ANKDD1A: variants seen among roughly 807,000 people sequenced by gnomAD.
ANKDD1A encodes ankyrin repeat and death domain-containing protein 1A.
A neutral mutation model predicts 63.5 loss-of-function variants in ANKDD1A; 59 were observed. That is an observed-to-expected ratio of 0.93 (90% confidence interval 0.75 to 1.15). The LOEUF (loss-of-function observed/expected upper bound fraction) is 1.15. Among genes scored for constraint, ANKDD1A ranks in the 50% most tolerant of loss-of-function variants. ANKDD1A has a pLI of 0.00. For missense variants in ANKDD1A, 632 were observed against 656.4 expected (o/e 0.96, Z 0.41); for synonymous variants, 266 against 263.9 (o/e 1.01, Z -0.08).
chr15:64,948,946 T>C (rs2085246734), intron 13 of ANKDD1A, among the ~76,000 whole-genome samples: 1 of 152,158 alleles, frequency 6.6e-6, no homozygotes, highest in Admixed American at 6.5e-5. Context: ...TCATATATGA[T>C]AAAGAAGCAC....
rs752701846 is a variant in ANKDD1A, at chr15:64,917,518, C to A, written c.267+4C>A. On this transcript the variant is annotated splice_donor_region_variant and intron_variant, in intron 3 of 14. Coordinates refer to ENST00000319580, the MANE Select transcript of ANKDD1A (RefSeq NM_182703.6). Reference sequence around the variant, plus strand: ...CCTCACAGAGGCACGTCTGTGTGTACGTGTCTGTCTGTCTGTCTGTCTCAG... The same window carrying A: ...CCTCACAGAGGCACGTCTGTGTGTAAGTGTCTGTCTGTCTGTCTGTCTCAG... The A allele has an allele frequency of 2.0e-6, 3 of 1,502,810 alleles. No individual in the cohort carries two copies. The highest frequency in any genetic ancestry group is 2.6e-5 in the South Asian group (2 of 76,860). The allele number at this position is 1,502,810 out of a possible 1,614,324, so 93.1% of individuals were successfully genotyped here. A position where few individuals can be genotyped will look rare whatever the true frequency, so the allele number is the denominator to read the frequency against.
chr15:64,946,144 T>A (rs2085220975), intron 12 of ANKDD1A, among the ~76,000 whole-genome samples: 1 of 152,222 alleles, frequency 6.6e-6, no homozygotes, highest in Non-Finnish European at 1.5e-5. Context: ...TAAACTTAGT[T>A]AAACTAACTT....
At chr15:64,932,012 G>A (rs151322737) in intron 8 of ANKDD1A, 41 of 207,468 alleles carry the variant, frequency 2.0e-4, no homozygotes, top group Admixed American at 3.8e-4. Context: ...TCCTGACTCA[G>A]CCTCCCAAGA....
intron 9 of ANKDD1A, among the ~76,000 whole-genome samples, chr15:64,941,239 AT>A (rs1174953094): frequency 6.6e-6 from 1 of 152,156 alleles, no homozygotes; most frequent in African/African-American, 2.4e-5. Flanking sequence ...ACTGAATAGT[AT>A]TTTTGTCTTC....
rs2085202450 is a variant in ANKDD1A, at chr15:64,943,631, C to CT, written c.1065+51dup. On this transcript the variant is annotated intron_variant, in intron 11 of 14. Coordinates refer to ENST00000319580, the MANE Select transcript of ANKDD1A (RefSeq NM_182703.6). ...CGCTTCAGGCTTTCATGGCTCCCCC[C>CT]TTGCCAGAGACCCTGCTACGAATGC... The CT allele has an allele frequency of 9.5e-6, 15 of 1,572,834 alleles. 1 individual carries two copies. Among genetic ancestry groups the CT allele is most frequent in the Middle Eastern group, 1.7e-4 (1 of 5,962 alleles).
chr15:64,944,626 C>G (rs771435807), intron 11 of ANKDD1A, 26 bp from the exon 12 acceptor site: 3 of 1,607,900 alleles, frequency 1.9e-6, no homozygotes. Context: ...GAAACTCTGG[C>G]TTCTCTTCTT....
chr15:64,950,783 A>C (rs1183250969), intron 14 of ANKDD1A: 1 of 966,852 alleles, frequency 1.0e-6, no homozygotes, highest in Non-Finnish European at 1.2e-6. Flanking sequence ...AAAAGCTAAG[A>C]CTCATTTCAG....
chr15:64,943,670 C>T (rs887668257), intron 11 of ANKDD1A, 88 bp downstream of exon 11: 20 of 1,206,802 alleles, frequency 1.7e-5, no homozygotes, highest in Non-Finnish European at 2.3e-5. Flanking sequence ...CTCCCTCCTC[C>T]TTCTCAGGGT....
In ANKDD1A at chr15:64,915,851, G is replaced by A. The variant is rs368386587; in HGVS notation, c.89G>A (p.Arg30Lys). 3.1e-6 allele frequency: 5 copies of A among 1,614,014 alleles called. No homozygotes were observed. The highest frequency in any genetic ancestry group is 2.7e-5 in the African/African-American group (2 of 74,934). ...GCCGCCCGCCAGAACAATGTCGGCA[G>A]GATGCAGGAGCTGATTGGGAGGAGG... ...HEAARQNNVG[R>K]MQELIGRRVN... The change falls in exon 2 of 15, where the codon AGG becomes AAG. Residue 30 changes from arginine (R) to lysine (K), a missense_variant. Transcript: ENST00000319580.
intron 6 of ANKDD1A, 135 bp from the exon 7 acceptor site, chr15:64,930,687 C>G: frequency 2.7e-6 from 2 of 743,488 alleles, no homozygotes; most frequent in Non-Finnish European, 4.3e-6. Flanking sequence ...TGAATCTGCC[C>G]CTGGTTATAG....
At chr15:64,953,455 CTCTCCT>C (rs1477118343) in intron 14 of ANKDD1A, among the ~76,000 whole-genome samples, 2 of 19,110 alleles carry the variant, frequency 1.0e-4, no homozygotes, top group Non-Finnish European at 3.9e-4. Context: ...CTTCTTTCTT[CTCTCCT>C]TCTTCTTCTT....
At position 64,957,851 on chromosome 15, in the gene ANKDD1A, A is replaced by G. The variant is rs924609228; in HGVS notation, c.*663A>G. 3 of 152,224 alleles carry G rather than the reference A, an allele frequency of 2.0e-5. No individual in the cohort carries two copies. The highest frequency in any genetic ancestry group is 7.2e-5 in the African/African-American group (3 of 41,458). 9.4% of individuals were successfully genotyped at this position (152,224 alleles called of 1,614,324 possible). The stretch of plus-strand genomic sequence containing the variant: ...CGATACAGATCAGTGCATATAGTAT[A>G]TTACTAATAGTATGCTGTTAATTGT... On this transcript the variant is annotated 3_prime_UTR_variant, in exon 15 of 15. Coordinates refer to ENST00000319580, the MANE Select transcript of ANKDD1A (RefSeq NM_182703.6).
chr15:64,950,244 T>C (rs2085258890), intron 14 of ANKDD1A: 2 of 985,422 alleles, frequency 2.0e-6, no homozygotes, highest in Non-Finnish European at 2.4e-6. Context: ...CATAATCTCT[T>C]CCTTACCAGC....
At chr15:64,921,505 G>C (rs2414861) in intron 3 of ANKDD1A, among the ~76,000 whole-genome samples, 40,967 of 151,922 alleles carry the variant, frequency 0.27, 6,941 homozygotes, top group South Asian at 0.43. Context: ...CTCCCAAGTA[G>C]CTGGGATTAC....
intron 9 of ANKDD1A, among the ~76,000 whole-genome samples, chr15:64,934,613 C>T (rs1413792704): frequency 4.0e-5 from 6 of 150,298 alleles, no homozygotes; most frequent in African/African-American, 1.5e-4. Context: ...AATTCTCCTG[C>T]CTCAGCCTCC....
Position 64,951,355 on chromosome 15 carries a change from TTCTTCTTCC to T in ANKDD1A, c.1483+1388_1483+1396del, listed in dbSNP as rs2085270862. ...CTTTTTCTTTCTTCTTTCCTCTTCT[TTCTTCTTCC>T]TCTTTCTTCTTTCTTTTTCTTTTCT... On this transcript the variant is annotated intron_variant, in intron 14 of 14. Transcript: ENST00000319580. The T allele has an allele frequency of 1.1e-4, 64 of 566,458 alleles. No homozygotes were observed. The African/African-American group carries it at 1.3e-3, about 11-fold the overall frequency. The allele number at this position is 566,458 out of a possible 1,614,324, so 35.1% of individuals were successfully genotyped here.
intron 14 of ANKDD1A, among the ~76,000 whole-genome samples, chr15:64,953,400 T>C (rs1354456896): frequency 7.6e-6 from 1 of 131,450 alleles, no homozygotes; most frequent in Non-Finnish European, 1.7e-5. Flanking sequence ...TTAGTTCTCC[T>C]TTTCTTCTCC....
intron 14 of ANKDD1A, among the ~76,000 whole-genome samples, chr15:64,954,927 TCTC>T (rs1350073536): frequency 3.7e-5 from 1 of 26,802 alleles, no homozygotes; most frequent in African/African-American, 5.1e-5. Flanking sequence ...CTCTCCTTCT[TCTC>T]CTTCTTCTTG....
rs1555397680 is a variant in ANKDD1A at position 64,952,863 on chromosome 15, C to CTTCCTCTTTTCTTCTCTTTCTTCTTCT, written c.1483+2893_1483+2894insCCTCTTTTCTTCTCTTTCTTCTTCTTT. 2.1e-3 allele frequency among the ~76,000 whole-genome samples: 259 copies of CTTCCTCTTTTCTTCTCTTTCTTCTTCT among 121,238 alleles called. 9 individuals carry two copies. Among genetic ancestry groups the CTTCCTCTTTTCTTCTCTTTCTTCTTCT allele is most frequent in the African/African-American group, 7.8e-3 (252 of 32,106 alleles). 79.5% of individuals were successfully genotyped at this position (121,238 alleles called of 152,430 possible). On this transcript the variant is annotated intron_variant, in intron 14 of 14. Coordinates refer to ENST00000319580, the MANE Select transcript of ANKDD1A (RefSeq NM_182703.6). Reference sequence around the variant, plus strand: ...CTTCTCCTTGTCTCTTCTCCTTCTTCTTTTCTTCTCTTTCTTCTTCTCCTT... The same window carrying CTTCCTCTTTTCTTCTCTTTCTTCTTCT: ...CTTCTCCTTGTCTCTTCTCCTTCTTCTTCCTCTTTTCTTCTCTTTCTTCTTCTTTTTCTTCTCTTTCTTCTTCTCCTT...
Sources: allele counts gnomAD v4.1 joint callset (sites outside exome capture counted in the v4.1 genomes callset), GRCh38; gene constraint gnomAD v4.1.1; transcripts MANE v1.5; gene names NCBI Gene and HGNC (gene_info 2026-07-23, HGNC 2026-07-21).